Variants in CSMD1 observed in about 807,000 individuals in gnomAD.
CSMD1 encodes CUB and sushi domain-containing protein 1.
Under a neutral mutation model 417.5 loss-of-function variants are expected in CSMD1, and 213 were observed. The ratio of observed to expected loss-of-function variants is 0.51; its 90% CI spans 0.46 to 0.57. The LOEUF is 0.57. CSMD1 is among the 20% of genes least tolerant of loss of function. The pLI is 0.00. For synonymous variants in CSMD1, 2,862 were observed against 1,736.8 expected, an observed-to-expected ratio of 1.65 and a Z score of -16.11; for missense variants, 6,923 against 4,529.7, an observed-to-expected ratio of 1.53 and a Z score of -15.17.
At chr8:4,858,949 C>T (rs1226843967) in intron 1 of CSMD1, among the ~76,000 whole-genome samples, 1 of 150,670 alleles carries the variant, frequency 6.6e-6, no homozygotes, top group Non-Finnish European at 1.5e-5. Flanking sequence ...AAAGAGCCCG[C>T]ATCGCCAAGG....
chr8:3,737,401 C>A (rs1039939122), intron 6 of CSMD1, among the ~76,000 whole-genome samples: 1 of 152,158 alleles, frequency 6.6e-6, no homozygotes, highest in Non-Finnish European at 1.5e-5. Flanking sequence ...TTCTATAATG[C>A]TTTTACTGAT....
At chr8:3,818,911 C>G (rs761878686) in intron 5 of CSMD1, among the ~76,000 whole-genome samples, 2 of 152,192 alleles carry the variant, frequency 1.3e-5, no homozygotes, top group African/African-American at 4.8e-5. Flanking sequence ...GACCACCGCA[C>G]ATGCCCACAC....
At chr8:3,335,670 C>T (rs62504775) in intron 23 of CSMD1, among the ~76,000 whole-genome samples, 16,360 of 151,966 alleles carry the variant, frequency 0.11, 1,147 homozygotes, top group Non-Finnish European at 0.16. Flanking sequence ...AGTGAGACTC[C>T]GACTCAAGAA....
intron 3 of CSMD1, among the ~76,000 whole-genome samples, chr8:4,208,096 A>C (rs1371673474): frequency 1.3e-5 from 2 of 152,188 alleles, no homozygotes; most frequent in East Asian, 3.8e-4. Context: ...TTAATGCAAT[A>C]TCAGGACAAG....
intron 1 of CSMD1, among the ~76,000 whole-genome samples, chr8:4,891,649 T>C (rs1034839809): frequency 7.9e-5 from 12 of 152,232 alleles, no homozygotes; most frequent in Middle Eastern, 3.4e-3. Context: ...TCCAAATTTA[T>C]TGAAATTGGA....
chr8:4,383,917 T>C (rs1345375747), intron 3 of CSMD1, among the ~76,000 whole-genome samples: 2 of 152,200 alleles, frequency 1.3e-5, no homozygotes, highest in African/African-American at 4.8e-5. Flanking sequence ...TGTTTATAAA[T>C]ATGATACCGT....
intron 3 of CSMD1, among the ~76,000 whole-genome samples, chr8:4,103,245 A>T (rs1801395932): frequency 8.4e-6 from 1 of 118,410 alleles, no homozygotes; most frequent in Non-Finnish European, 1.7e-5. Context: ...ATCTATACTG[A>T]TGATCAGTGT....
Position 4,085,936 on chromosome 8 carries a change from A to G in CSMD1, c.416-53837T>C, listed in dbSNP as rs1207186479. On this transcript the variant is annotated intron_variant, in intron 3 of 69. Coordinates refer to ENST00000635120, the MANE Select transcript of CSMD1 (RefSeq NM_033225.6). The stretch of plus-strand genomic sequence containing the variant: ...GCGTAAGGATGGAAGGGGGCTCTGT[A>G]TTATTTCTTACAAGTGCAAGTCAAT... Among the ~76,000 whole-genome samples the G allele has an allele frequency of 2.0e-5, 3 of 152,256 alleles. No homozygotes were observed. The East Asian group carries it at 5.8e-4, about 29-fold the overall frequency.
chr8:4,307,264 G>A (rs1463558877), intron 3 of CSMD1, among the ~76,000 whole-genome samples: 4 of 152,000 alleles, frequency 2.6e-5, no homozygotes, highest in Non-Finnish European at 2.9e-5. Flanking sequence ...CATGCACAGA[G>A]GGCTGTTGAT....
chr8:3,644,966 GAAAAA>G (rs71203456), intron 7 of CSMD1, among the ~76,000 whole-genome samples: 15 of 64,522 alleles, frequency 2.3e-4, no homozygotes, highest in African/African-American at 8.0e-4. Flanking sequence ...GGCTTTAAAT[GAAAAA>G]AAAAAAAAAA....
intron 1 of CSMD1, among the ~76,000 whole-genome samples, chr8:4,884,365 G>A (rs1445550367): frequency 2.6e-5 from 4 of 151,958 alleles, no homozygotes; most frequent in Non-Finnish European, 4.4e-5. Flanking sequence ...GAGGTACAAC[G>A]TTTAGAGTTT....
rs576268182 is a variant in CSMD1 at position 3,599,575 on chromosome 8, A to G, written c.1098-13315T>C. Among the ~76,000 whole-genome samples, 3 of 152,328 alleles carry G rather than the reference A, an allele frequency of 2.0e-5. No homozygotes were observed. In the South Asian group the frequency reaches 6.2e-4, roughly 32 times the overall value. On this transcript the variant is annotated intron_variant, in intron 8 of 69. Coordinates refer to ENST00000635120, the MANE Select transcript of CSMD1 (RefSeq NM_033225.6). The stretch of plus-strand genomic sequence containing the variant: ...ACAGCATTGCTAACCACAACACTGC[A>G]TTATTAATCACAATACAGCATTGTT...
chr8:4,143,636 G>A (rs1363938893), intron 3 of CSMD1, among the ~76,000 whole-genome samples: 1 of 151,162 alleles, frequency 6.6e-6, no homozygotes, highest in South Asian at 2.1e-4. Flanking sequence ...CCTGATACCG[G>A]AAGGAGAGCA....
chr8:3,565,131 C>CAAAAAAAAAAAAAAAA (rs869248314), intron 10 of CSMD1, among the ~76,000 whole-genome samples: 4 of 10,448 alleles, frequency 3.8e-4, no homozygotes, highest in East Asian at 3.2e-3. Flanking sequence ...TGCAAGACAG[C>CAAAAAAAAAAAAAAAA]AAAAAAAAAA....
chr8:3,205,687 G>A (rs1204260048), intron 30 of CSMD1, 67 bp from the exon 31 acceptor site: 1 of 677,852 alleles, frequency 1.5e-6, no homozygotes, highest in African/African-American at 1.8e-5. Flanking sequence ...GTGAGCCAAA[G>A]CTGAAACACA....
intron 1 of CSMD1, among the ~76,000 whole-genome samples, chr8:4,974,704 G>T (rs987479290): frequency 6.6e-6 from 1 of 152,110 alleles, no homozygotes; most frequent in African/African-American, 2.4e-5. Context: ...GACAGATGTC[G>T]AAGGATAACA....
At chr8:4,989,396 A>G (rs1027503639) in intron 1 of CSMD1, among the ~76,000 whole-genome samples, 2 of 152,238 alleles carry the variant, frequency 1.3e-5, no homozygotes, top group East Asian at 3.8e-4. Flanking sequence ...CTATCCTAGG[A>G]GACAACAGGC....
chr8:3,732,183 G>T (rs1405242908), intron 6 of CSMD1, among the ~76,000 whole-genome samples: 1 of 152,160 alleles, frequency 6.6e-6, no homozygotes, highest in African/African-American at 2.4e-5. Flanking sequence ...GGTTGCCTTG[G>T]GAACAGAGTC....
At chr8:3,212,831 C>T (rs1469345045) in intron 30 of CSMD1, among the ~76,000 whole-genome samples, 1 of 138,568 alleles carries the variant, frequency 7.2e-6, no homozygotes. Flanking sequence ...TTCTTATATA[C>T]TTTTTTTTTT....
Sources: allele counts gnomAD v4.1 joint callset (sites outside exome capture counted in the v4.1 genomes callset), GRCh38; gene constraint gnomAD v4.1.1; transcripts MANE v1.5; gene names NCBI Gene and HGNC (gene_info 2026-07-23, HGNC 2026-07-21).